The following DOCK3 variants were observed in gnomAD, a reference collection of about 807,000 sequenced individuals.
The protein encoded by DOCK3 is dedicator of cytokinesis protein 3.
DOCK3 carries 60 observed loss-of-function variants against 265.6 expected under a neutral mutation model. That is an observed-to-expected ratio of 0.23 (90% CI 0.18 to 0.28). The LOEUF (loss-of-function observed/expected upper bound fraction) is 0.28, where lower values mean the gene tolerates loss of function less well. Among genes scored for constraint, DOCK3 ranks in the 10% least tolerant of loss-of-function variants. The probability of loss-of-function intolerance (pLI) is 1.00; values close to 1 mark genes in which losing one functional copy is unlikely to be tolerated. For synonymous variants in DOCK3, 881 were observed against 938.0 expected, an observed-to-expected ratio of 0.94 and a Z score of 1.11; for missense variants, 1,981 against 2,594.3, an observed-to-expected ratio of 0.76 and a Z score of 5.14.
chr3:51,242,620 C>T (rs2078658972), intron 21 of DOCK3, among the ~76,000 whole-genome samples: 1 of 151,952 alleles, frequency 6.6e-6, no homozygotes, highest in South Asian at 2.1e-4. Flanking sequence ...CTGGGTGCCT[C>T]CTCTGTGTCC....
At chr3:51,158,923 TTTTTATATGATG>T (rs1315508310) in intron 10 of DOCK3, among the ~76,000 whole-genome samples, 1 of 152,214 alleles carries the variant, frequency 6.6e-6, no homozygotes, top group East Asian at 1.9e-4. Context: ...TTACAGAATG[TTTTTATATGATG>T]TTAGAGTAAA....
At chr3:51,249,161 G>GC (rs530870467) in intron 22 of DOCK3, among the ~76,000 whole-genome samples, 86,334 of 117,876 alleles carry the variant, frequency 0.73, 31,602 homozygotes, top group Middle Eastern at 0.82. Context: ...GGGGGGGTCA[G>GC]CCCCCCGCCA....
chr3:51,341,498 G>A, intron 38 of DOCK3, 113 bp downstream of exon 38: 1 of 1,462,796 alleles, frequency 6.8e-7, no homozygotes, highest in Non-Finnish European at 9.3e-7. Flanking sequence ...GGTGGTGAGT[G>A]GGTGGGTGCC....
intron 1 of DOCK3, among the ~76,000 whole-genome samples, chr3:50,711,405 G>T (rs1010779854): frequency 5.9e-5 from 9 of 151,798 alleles, no homozygotes; most frequent in Non-Finnish European, 1.3e-4. Context: ...GGGACTACAG[G>T]TGCCCGCCAC....
intron 5 of DOCK3, among the ~76,000 whole-genome samples, chr3:50,936,795 A>C (rs957915545): frequency 2.0e-5 from 3 of 152,252 alleles, no homozygotes; most frequent in African/African-American, 4.8e-5. Context: ...TGGTTCTAAA[A>C]GAATGACTAT....
intron 22 of DOCK3, among the ~76,000 whole-genome samples, chr3:51,249,481 C>T (rs1164804824): frequency 1.3e-4 from 13 of 101,114 alleles, no homozygotes; most frequent in South Asian, 3.7e-4. Flanking sequence ...CCCAGCCAGC[C>T]GCCCCATCCG....
intron 4 of DOCK3, chr3:50,901,644 A>G (rs1421967018): frequency 2.2e-6 from 1 of 453,966 alleles, no homozygotes; most frequent in Non-Finnish European, 4.4e-6. Context: ...TGCGAGGACC[A>G]TGGGAAAAGC....
At chr3:51,181,947 T>TG (rs1560172674) in intron 12 of DOCK3, among the ~76,000 whole-genome samples, 1 of 152,338 alleles carries the variant, frequency 6.6e-6, no homozygotes, top group Non-Finnish European at 1.5e-5. Flanking sequence ...GTTCTGCTGG[T>TG]GTGAGGACAG....
rs116451122 is a variant in DOCK3, at chr3:50,857,056, G to A, written c.162+15341G>A. ...ATAGTGATTAATTATCTTTTGATGC[G>A]CTGCTCGATTCAGTTTGCTAGTAGT... is the stretch of plus-strand genomic sequence containing the variant. On this transcript the variant is annotated intron_variant, in intron 3 of 52. Transcript: ENST00000266037. 3.5e-3 allele frequency among the ~76,000 whole-genome samples: 534 copies of A among 152,200 alleles called. 6 individuals carry two copies. Among genetic ancestry groups the A allele is most frequent in the African/African-American group, 0.012 (500 of 41,502 alleles).
At chr3:51,131,725 C>A (rs772276760) in intron 9 of DOCK3, among the ~76,000 whole-genome samples, 1 of 152,170 alleles carries the variant, frequency 6.6e-6, no homozygotes, top group African/African-American at 2.4e-5. Flanking sequence ...TGCCACTTTG[C>A]CTCCGCTGTC....
At chr3:50,843,883 GTTAT>G (rs2045958775) in intron 3 of DOCK3, among the ~76,000 whole-genome samples, 3 of 152,104 alleles carry the variant, frequency 2.0e-5, no homozygotes, top group South Asian at 2.1e-4. Flanking sequence ...TATGGAACCA[GTTAT>G]TTAGTGTTTG....
chr3:51,239,567 T>TG (rs1560265700), intron 21 of DOCK3, among the ~76,000 whole-genome samples: 1 of 84,406 alleles, frequency 1.2e-5, no homozygotes. Context: ...TTTTTTTTTG[T>TG]TTGTTTGTTT....
chr3:51,204,983 A>C (rs534574895), intron 12 of DOCK3, among the ~76,000 whole-genome samples: 106 of 147,540 alleles, frequency 7.2e-4, no homozygotes, highest in African/African-American at 2.6e-3. Context: ...ACATGGACAC[A>C]GGACGGGGAA....
chr3:51,253,811 C>T (rs1300198876), intron 22 of DOCK3, among the ~76,000 whole-genome samples: 1 of 152,128 alleles, frequency 6.6e-6, no homozygotes, highest in Non-Finnish European at 1.5e-5. Flanking sequence ...TTTCAAAAAA[C>T]CAGCTCCTGG....
chr3:51,152,267 C>A (rs1560132160), intron 10 of DOCK3, among the ~76,000 whole-genome samples: 2 of 152,156 alleles, frequency 1.3e-5, no homozygotes, highest in East Asian at 3.9e-4. Context: ...GATACCTTTT[C>A]TTCCACTTGA....
chr3:51,208,228 T>C (rs1399193255), intron 12 of DOCK3, among the ~76,000 whole-genome samples: 4 of 152,232 alleles, frequency 2.6e-5, no homozygotes, highest in Admixed American at 2.6e-4. Context: ...GACTTCATGG[T>C]AAATCAAGCC....
intron 9 of DOCK3, among the ~76,000 whole-genome samples, chr3:51,110,507 T>G (rs1320761301): frequency 6.6e-6 from 1 of 152,156 alleles, no homozygotes; most frequent in Non-Finnish European, 1.5e-5. Context: ...AGGCTTTATC[T>G]CTGGTATGCA....
At position 51,261,452 on chromosome 3, in the gene DOCK3, C is replaced by T. The variant is rs191277615; in HGVS notation, c.2355+1126C>T. Among the ~76,000 whole-genome samples, 6 of 152,290 alleles carry T rather than the reference C, an allele frequency of 3.9e-5. No individual in the cohort carries two copies. In the South Asian group the frequency reaches 1.0e-3, roughly 26 times the overall value. ...AGATTCCCTCAGGTGCCTACACCAC[C>T]AGGGCCCTGGGTTTCAAACAGAAAA... On this transcript the variant is annotated intron_variant, in intron 23 of 52. Coordinates refer to ENST00000266037, the MANE Select transcript of DOCK3 (RefSeq NM_004947.5).
At chr3:51,018,441 G>T (rs372414558) in intron 5 of DOCK3, among the ~76,000 whole-genome samples, 3 of 141,916 alleles carry the variant, frequency 2.1e-5, no homozygotes, top group Non-Finnish European at 4.5e-5. Context: ...CCACAAAAAA[G>T]TTTTTTTTTT....
Sources: gnomAD v4.1 joint callset for allele counts (sites outside exome capture counted in the v4.1 genomes callset) on GRCh38, gnomAD v4.1.1 for gene constraint, MANE v1.5 for transcripts, NCBI Gene and HGNC (gene_info 2026-07-23, HGNC 2026-07-21) for gene names.